The following ZRANB3 variants were observed in gnomAD, a reference collection of about 807,000 sequenced individuals.
ZRANB3 encodes zinc finger RANBP2-type containing 3.
A neutral mutation model predicts 133.8 loss-of-function variants in ZRANB3; 125 were observed. That is an observed-to-expected ratio of 0.93 (90% CI 0.81 to 1.08). The LOEUF (loss-of-function observed/expected upper bound fraction) is 1.08. Ranked by LOEUF, ZRANB3 falls within the 50% of genes least tolerant of loss-of-function variation. The pLI, the probability that ZRANB3 is intolerant of heterozygous loss-of-function variation, is 0.00. For missense variants in ZRANB3, 1,229 were observed against 1,275.5 expected (o/e 0.96, Z 0.56); for synonymous variants, 387 against 432.7 (o/e 0.89, Z 1.31).
At chr2:135,451,498 G>A (rs963235784) in intron 2 of ZRANB3, among the ~76,000 whole-genome samples, 2 of 151,736 alleles carry the variant, frequency 1.3e-5, no homozygotes, top group African/African-American at 4.8e-5. Flanking sequence ...GGAGGCGGAG[G>A]TTGCAGTCAG....
At chr2:135,447,881 GTTAC>G (rs1559005729) in intron 2 of ZRANB3, among the ~76,000 whole-genome samples, 2 of 152,028 alleles carry the variant, frequency 1.3e-5, no homozygotes, top group Non-Finnish European at 2.9e-5. Flanking sequence ...AATGACAGTG[GTTAC>G]TTATTCTACC....
chr2:135,357,653 C>T (rs1009460567), intron 3 of ZRANB3, among the ~76,000 whole-genome samples: 2 of 152,182 alleles, frequency 1.3e-5, no homozygotes, highest in Admixed American at 1.3e-4. Context: ...CTCAAGTGAT[C>T]TGCCTTCCTC....
At chr2:135,408,828 G>T (rs181870980) in intron 2 of ZRANB3, among the ~76,000 whole-genome samples, 1 of 152,018 alleles carries the variant, frequency 6.6e-6, no homozygotes, top group African/African-American at 2.4e-5. Flanking sequence ...CCTGTTGTGG[G>T]GTCGGGGGAT....
At chr2:135,444,184 T>A (rs1689917468) in intron 2 of ZRANB3, among the ~76,000 whole-genome samples, 1 of 152,020 alleles carries the variant, frequency 6.6e-6, no homozygotes, top group South Asian at 2.1e-4. Context: ...TGTAAAATAG[T>A]ATAGCCACTT....
chr2:135,237,036 A>G (rs1326508427), intron 12 of ZRANB3, among the ~76,000 whole-genome samples: 1 of 152,088 alleles, frequency 6.6e-6, no homozygotes, highest in Non-Finnish European at 1.5e-5. Context: ...TTTGCAATCT[A>G]CTCATCTGAC....
At chr2:135,404,068 G>A (rs1374201522) in intron 2 of ZRANB3, among the ~76,000 whole-genome samples, 2 of 152,196 alleles carry the variant, frequency 1.3e-5, no homozygotes, top group Admixed American at 6.5e-5. Flanking sequence ...AAGGAACACA[G>A]CTCCTCACCA....
intron 8 of ZRANB3, among the ~76,000 whole-genome samples, chr2:135,311,024 C>A (rs532565401): frequency 6.6e-6 from 1 of 150,632 alleles, no homozygotes; most frequent in South Asian, 2.1e-4. Context: ...AACTTCTGTT[C>A]TCTGAAAGAC....
chr2:135,261,198 T>C (rs1360722606), intron 12 of ZRANB3, among the ~76,000 whole-genome samples: 4 of 152,064 alleles, frequency 2.6e-5, no homozygotes, highest in African/African-American at 9.7e-5. Flanking sequence ...AAAGGCTTTG[T>C]AAATGGATAA....
At chr2:135,519,366 C>T (rs1299840486) in intron 1 of ZRANB3, among the ~76,000 whole-genome samples, 1 of 152,062 alleles carries the variant, frequency 6.6e-6, no homozygotes, top group African/African-American at 2.4e-5. Context: ...AACACCCTGG[C>T]TTGGGCATGA....
At chr2:135,430,459 G>A (rs968643766) in intron 2 of ZRANB3, among the ~76,000 whole-genome samples, 7 of 151,182 alleles carry the variant, frequency 4.6e-5, no homozygotes, top group African/African-American at 1.7e-4. Context: ...CAAACACATA[G>A]TAAGGTGCAG....
At chr2:135,470,012 CAA>C (rs776949989) in intron 2 of ZRANB3, among the ~76,000 whole-genome samples, 45 of 86,386 alleles carry the variant, frequency 5.2e-4, no homozygotes, top group Admixed American at 5.3e-4. Flanking sequence ...ACTCTTACCT[CAA>C]AAAAAAAAAA....
intron 17 of ZRANB3, among the ~76,000 whole-genome samples, chr2:135,211,246 A>G (rs540271203): frequency 2.0e-5 from 3 of 152,230 alleles, no homozygotes; most frequent in Admixed American, 2.0e-4. Flanking sequence ...CATCACTCCA[A>G]AAAGAAACCT....
At chr2:135,480,660 T>A (rs1013586612) in intron 2 of ZRANB3, among the ~76,000 whole-genome samples, 1 of 151,666 alleles carries the variant, frequency 6.6e-6, no homozygotes, top group African/African-American at 2.4e-5. Context: ...CATGTGCACA[T>A]TGTGCAGGTT....
intron 2 of ZRANB3, among the ~76,000 whole-genome samples, chr2:135,397,757 T>C (rs1323553276): frequency 6.6e-6 from 1 of 152,190 alleles, no homozygotes; most frequent in Non-Finnish European, 1.5e-5. Flanking sequence ...TCTGCTACAC[T>C]CTGGAAATGT....
intron 12 of ZRANB3, among the ~76,000 whole-genome samples, chr2:135,244,708 C>A (rs1695711090): frequency 6.6e-6 from 1 of 152,158 alleles, no homozygotes; most frequent in Non-Finnish European, 1.5e-5. Flanking sequence ...ACCAGCTTTA[C>A]AGTTGATCTT....
intron 8 of ZRANB3, among the ~76,000 whole-genome samples, chr2:135,279,261 T>G (rs1290852573): frequency 1.3e-5 from 2 of 152,176 alleles, no homozygotes; most frequent in Admixed American, 1.3e-4. Context: ...TTCATACATA[T>G]GACTATAAAG....
chr2:135,390,449 CT>C (rs1432544866), intron 3 of ZRANB3, among the ~76,000 whole-genome samples: 2 of 152,100 alleles, frequency 1.3e-5, no homozygotes, highest in African/African-American at 4.8e-5. Flanking sequence ...AAACAATAAC[CT>C]TTAGAACAGA....
intron 2 of ZRANB3, among the ~76,000 whole-genome samples, chr2:135,432,869 C>T (rs2104983650): frequency 6.6e-6 from 1 of 152,304 alleles, no homozygotes; most frequent in Non-Finnish European, 1.5e-5. Flanking sequence ...GTCACTGTTC[C>T]AAGTGAACCA....
chr2:135,338,241 C>T (rs538741012), intron 6 of ZRANB3, among the ~76,000 whole-genome samples: 1 of 152,254 alleles, frequency 6.6e-6, no homozygotes, highest in African/African-American at 2.4e-5. Flanking sequence ...TGCCAGGTGC[C>T]GTGTTAGCCA....
Sources: gnomAD v4.1 joint callset for allele counts (sites outside exome capture counted in the v4.1 genomes callset) on GRCh38, gnomAD v4.1.1 for gene constraint, MANE v1.5 for transcripts, NCBI Gene and HGNC (gene_info 2026-07-23, HGNC 2026-07-21) for gene names.